NOX4: variants seen among roughly 807,000 people sequenced by gnomAD.
The protein encoded by NOX4 is kidney oxidase-1.
Under a neutral mutation model 87.6 loss-of-function variants are expected in NOX4, and 69 were observed. The observed-to-expected ratio is 0.79, with a 90% CI of 0.65 to 0.96. The LOEUF is 0.96. NOX4 is among the 40% of genes least tolerant of loss of function. The pLI is 0.00. For missense variants in NOX4, 680 were observed against 681.5 expected, an observed-to-expected ratio of 1.00 and a Z score of 0.02; for synonymous variants, 275 against 238.2, an observed-to-expected ratio of 1.15 and a Z score of -1.42.
intron 6 of NOX4, among the ~76,000 whole-genome samples, chr11:89,434,884 C>A (rs771268998): frequency 6.6e-6 from 1 of 152,026 alleles, no homozygotes; most frequent in Non-Finnish European, 1.5e-5. Flanking sequence ...AGTACAAATT[C>A]TATGATTCCT....
the NOX4 span, among the ~76,000 whole-genome samples, chr11:89,550,999 T>C: frequency 6.6e-6 from 1 of 152,230 alleles, no homozygotes. Context: ...GTTTTCTGCA[T>C]ATGGCTAGCC....
chr11:89,342,272 T>C, intron 13 of NOX4, 79 bp from the exon 14 acceptor site: 1 of 1,299,520 alleles, frequency 7.7e-7, no homozygotes, highest in Non-Finnish European at 1.1e-6. Context: ...GCAAACATGC[T>C]GAATGCAATC....
At chr11:89,510,305 G>A in the NOX4 span, among the ~76,000 whole-genome samples, 1 of 152,160 alleles carries the variant, frequency 6.6e-6, no homozygotes, top group Non-Finnish European at 1.5e-5. Flanking sequence ...TCTATTTAGA[G>A]ATTAAAAGAT....
At chr11:89,481,562 T>A (rs553162658) in intron 2 of NOX4, among the ~76,000 whole-genome samples, 8 of 152,128 alleles carry the variant, frequency 5.3e-5, no homozygotes, top group South Asian at 2.1e-4. Context: ...GAAATTCATA[T>A]CCATATGGCT....
the NOX4 span, among the ~76,000 whole-genome samples, chr11:89,526,462 G>A: frequency 6.6e-6 from 1 of 152,034 alleles, no homozygotes; most frequent in Non-Finnish European, 1.5e-5. Flanking sequence ...TCTTATATAA[G>A]GAATATCTAC....
chr11:89,570,459 C>T, the NOX4 span, among the ~76,000 whole-genome samples: 2 of 152,012 alleles, frequency 1.3e-5, no homozygotes, highest in Non-Finnish European at 2.9e-5. Flanking sequence ...TGCAATTTAC[C>T]CATGTAACAA....
In NOX4 at chr11:89,355,631, T is replaced by C. The variant is rs547549637; in HGVS notation, c.1136-588A>G. ...AGCATTTACATCATGTAGCATTCAA[T>C]TGACAGAAATTAGTCTCCCAAGACC... On this transcript the variant is annotated intron_variant, in intron 12 of 17. Transcript: ENST00000263317. Among the ~76,000 whole-genome samples the C allele has an allele frequency of 4.6e-5, 7 of 152,162 alleles. No homozygotes were observed. The South Asian group carries it at 8.3e-4, about 18-fold the overall frequency.
chr11:89,343,642 C>T (rs1319832857), intron 13 of NOX4, among the ~76,000 whole-genome samples: 21 of 152,074 alleles, frequency 1.4e-4, no homozygotes, highest in South Asian at 4.1e-4. Context: ...AAATACACTG[C>T]GTTTCACTTA....
intron 2 of NOX4, among the ~76,000 whole-genome samples, chr11:89,459,661 G>A (rs1439929106): frequency 2.0e-5 from 3 of 151,944 alleles, no homozygotes; most frequent in Admixed American, 6.6e-5. Flanking sequence ...AATAAAAGAG[G>A]ATACAAACAA....
chr11:89,423,192 C>A (rs1333939964), intron 7 of NOX4, among the ~76,000 whole-genome samples: 1 of 151,996 alleles, frequency 6.6e-6, no homozygotes, highest in African/African-American at 2.4e-5. Context: ...TGCCAATTGC[C>A]CTCTAAAAAT....
intron 6 of NOX4, among the ~76,000 whole-genome samples, chr11:89,437,557 C>T (rs77341209): frequency 0.036 from 5,401 of 152,034 alleles, 305 homozygotes; most frequent in African/African-American, 0.12. Flanking sequence ...CAGCATAGTA[C>T]TTCTTTTCTT....
rs75943624 is a variant in NOX4 at position 89,435,196 on chromosome 11, A to G, written c.476-2340T>C. Reference sequence around the variant, plus strand: ...TCACTGTTTTCAAGTGTTAAAAAAGAAAACCTTTATTTGTCCACATGAATA... The same window carrying G: ...TCACTGTTTTCAAGTGTTAAAAAAGGAAACCTTTATTTGTCCACATGAATA... On this transcript the variant is annotated intron_variant, in intron 6 of 17. Coordinates refer to ENST00000263317, the MANE Select transcript of NOX4 (RefSeq NM_016931.5). Among the ~76,000 whole-genome samples, 939 of 152,222 alleles carry G rather than the reference A, an allele frequency of 6.2e-3. 8 individuals are homozygous for G. Among genetic ancestry groups the G allele is most frequent in the African/African-American group, 0.022 (905 of 41,572 alleles).
intron 3 of NOX4, among the ~76,000 whole-genome samples, chr11:89,450,751 C>T (rs1030980639): frequency 1.4e-5 from 2 of 145,888 alleles, no homozygotes; most frequent in African/African-American, 5.1e-5. Flanking sequence ...TTAATCAAGA[C>T]ATATTTCTCT....
chr11:89,500,706 A>G (rs902572988), upstream of NOX4, among the ~76,000 whole-genome samples: 3 of 152,180 alleles, frequency 2.0e-5, no homozygotes, highest in Non-Finnish European at 4.4e-5. Context: ...ATGAAGGATA[A>G]TGAAAGATAT....
the NOX4 span, among the ~76,000 whole-genome samples, chr11:89,515,831 A>G: frequency 2.3e-3 from 351 of 152,136 alleles, 1 homozygote; most frequent in African/African-American, 8.1e-3. Flanking sequence ...TCAGTTGACC[A>G]TATACATGTG....
chr11:89,378,871 G>A (rs1019911483), intron 11 of NOX4, among the ~76,000 whole-genome samples: 7 of 152,088 alleles, frequency 4.6e-5, no homozygotes, highest in Admixed American at 3.9e-4. Context: ...GCGGAGCACC[G>A]AATCTCCCAC....
chr11:89,558,432 T>G, the NOX4 span, among the ~76,000 whole-genome samples: 1 of 151,974 alleles, frequency 6.6e-6, no homozygotes, highest in Non-Finnish European at 1.5e-5. Context: ...GCTTGATAAG[T>G]CTGGGCCTTC....
intron 17 of NOX4, among the ~76,000 whole-genome samples, chr11:89,335,291 A>G (rs1304722078): frequency 2.0e-5 from 3 of 151,788 alleles, no homozygotes; most frequent in Non-Finnish European, 4.4e-5. Context: ...TCTTCAGATC[A>G]TAGACACGTA....
chr11:89,454,943 G>A (rs1379031511), intron 2 of NOX4, among the ~76,000 whole-genome samples: 2 of 151,992 alleles, frequency 1.3e-5, no homozygotes, highest in Non-Finnish European at 2.9e-5. Context: ...TCTGTACCCT[G>A]GAATCTATGA....
Sources: allele counts gnomAD v4.1 joint callset (sites outside exome capture counted in the v4.1 genomes callset), GRCh38; gene constraint gnomAD v4.1.1; transcripts MANE v1.5; gene names NCBI Gene and HGNC (gene_info 2026-07-23, HGNC 2026-07-21).